ANGPT1: variants seen among roughly 807,000 people sequenced by gnomAD.
The protein encoded by ANGPT1 is angiopoietin-1.
Under a neutral mutation model 62.2 loss-of-function variants are expected in ANGPT1, and 17 were observed. The ratio of observed to expected loss-of-function variants is 0.27; its 90% CI spans 0.19 to 0.41. ANGPT1 has a LOEUF of 0.41. ANGPT1 is among the 10% of genes least tolerant of loss of function. ANGPT1 has a pLI of 1.00. For missense variants in ANGPT1, 478 were observed against 594.9 expected (o/e 0.80, Z 2.04); for synonymous variants, 199 against 198.9 (o/e 1.00, Z 0.00).
In ANGPT1 at chr8:107,454,762, G is replaced by T. The variant is rs547191775; in HGVS notation, c.297+42500C>A. Among the ~76,000 whole-genome samples the T allele has an allele frequency of 1.9e-4, 29 of 152,112 alleles. No individual in the cohort carries two copies. In the South Asian group the frequency reaches 6.0e-3, roughly 32 times the overall value. On this transcript the variant is annotated intron_variant, in intron 1 of 8. Coordinates refer to ENST00000517746, the MANE Select transcript of ANGPT1 (RefSeq NM_001146.5). ...TTTGTTTCTGGCTCTTCAACTCACAGTAGTATTTATTTCCCTGTCCTTTAA... is the reference window on the plus strand; with the variant it reads ...TTTGTTTCTGGCTCTTCAACTCACATTAGTATTTATTTCCCTGTCCTTTAA...
chr8:107,453,257 C>T (rs1811824500), intron 1 of ANGPT1, among the ~76,000 whole-genome samples: 1 of 152,050 alleles, frequency 6.6e-6, no homozygotes, highest in African/African-American at 2.4e-5. Context: ...AAAGAATATT[C>T]ATTTACAAAG....
intron 1 of ANGPT1, among the ~76,000 whole-genome samples, chr8:107,491,613 C>T (rs1812958940): frequency 6.6e-6 from 1 of 151,972 alleles, no homozygotes. Context: ...TTGTAAAGTC[C>T]CTGAGGCAGG....
intron 1 of ANGPT1, among the ~76,000 whole-genome samples, chr8:107,462,448 G>C (rs1050188483): frequency 6.6e-6 from 1 of 151,608 alleles, no homozygotes; most frequent in African/African-American, 2.4e-5. Context: ...TTCAAAAAGG[G>C]AGTTTTTAGA....
intron 1 of ANGPT1, among the ~76,000 whole-genome samples, chr8:107,474,690 G>T (rs1219425224): frequency 6.6e-6 from 1 of 152,168 alleles, no homozygotes. Flanking sequence ...AAACCCCATT[G>T]TCTCAGCCCA....
chr8:107,391,088 AAG>A lies in ANGPT1; in HGVS notation c.298-43993_298-43992del, dbSNP rs1284731031. On this transcript the variant is annotated intron_variant, in intron 1 of 8. Transcript: ENST00000517746. ...TTACTAGGTACTATTGCAATGAAAAAAGTTTTAATTTAAAAATTAATTACTAC... is the reference window on the plus strand; with the variant it reads ...TTACTAGGTACTATTGCAATGAAAAATTTTAATTTAAAAATTAATTACTAC... 2.0e-5 allele frequency among the ~76,000 whole-genome samples: 3 copies of A among 152,194 alleles called. No individual in the cohort carries two copies. The East Asian group carries it at 5.8e-4, about 29-fold the overall frequency.
intron 1 of ANGPT1, among the ~76,000 whole-genome samples, chr8:107,394,413 C>T (rs928989915): frequency 1.3e-5 from 2 of 152,130 alleles, no homozygotes; most frequent in Non-Finnish European, 2.9e-5. Flanking sequence ...AGTCTCAGTT[C>T]CAGACAGAAG....
chr8:107,430,118 GAATTTTTAACT>G (rs1460806977), intron 1 of ANGPT1, among the ~76,000 whole-genome samples: 2 of 152,050 alleles, frequency 1.3e-5, no homozygotes, highest in African/African-American at 2.4e-5. Flanking sequence ...TTTTTTATTA[GAATTTTTAACT>G]AATTAGTATA....
intron 2 of ANGPT1, among the ~76,000 whole-genome samples, chr8:107,345,894 T>G (rs1455994980): frequency 2.0e-5 from 3 of 152,216 alleles, no homozygotes; most frequent in African/African-American, 7.2e-5. Context: ...AATTAGTTAA[T>G]TATTAGTGTT....
intron 8 of ANGPT1, among the ~76,000 whole-genome samples, chr8:107,261,954 G>C (rs1412719826): frequency 1.3e-5 from 2 of 152,072 alleles, no homozygotes; most frequent in Non-Finnish European, 2.9e-5. Context: ...CAGCACTTTG[G>C]GAGGCTGAGG....
At chr8:107,436,631 A>T (rs940641441) in intron 1 of ANGPT1, among the ~76,000 whole-genome samples, 6 of 152,148 alleles carry the variant, frequency 3.9e-5, no homozygotes, top group Non-Finnish European at 4.4e-5. Context: ...TCGTCTGCAG[A>T]TGTACTTCTC....
At chr8:107,278,092 TA>T (rs1000955546) in intron 7 of ANGPT1, among the ~76,000 whole-genome samples, 20 of 151,306 alleles carry the variant, frequency 1.3e-4, no homozygotes, top group Admixed American at 4.6e-4. Context: ...TTTTTTTTTT[TA>T]AAGACAGGGT....
At chr8:107,452,337 C>A (rs1341412204) in intron 1 of ANGPT1, among the ~76,000 whole-genome samples, 1 of 151,580 alleles carries the variant, frequency 6.6e-6, no homozygotes, top group Non-Finnish European at 1.5e-5. Context: ...AGCCAAAAAG[C>A]CAAAAAGCTG....
intron 4 of ANGPT1, 43 bp from the exon 5 acceptor site, chr8:107,303,410 A>G (rs1814641855): frequency 6.5e-7 from 1 of 1,534,930 alleles, no homozygotes; most frequent in African/African-American, 1.4e-5. Context: ...GAATATCAGT[A>G]CCATTAGTAG....
chr8:107,419,972 T>A (rs1277995423), intron 1 of ANGPT1, among the ~76,000 whole-genome samples: 1 of 152,320 alleles, frequency 6.6e-6, no homozygotes, highest in South Asian at 2.1e-4. Context: ...TTAGTTAATA[T>A]GTGCCCATTT....
chr8:107,292,167 C>T (rs1586193759), intron 6 of ANGPT1, among the ~76,000 whole-genome samples: 1 of 152,260 alleles, frequency 6.6e-6, no homozygotes, highest in Non-Finnish European at 1.5e-5. Context: ...TATCACCTAC[C>T]TCCATCCAGT....
At chr8:107,252,593 C>A (rs1383919754) in intron 8 of ANGPT1, among the ~76,000 whole-genome samples, 1 of 152,102 alleles carries the variant, frequency 6.6e-6, no homozygotes, top group Non-Finnish European at 1.5e-5. Context: ...AATTAACGTA[C>A]CCTCTCTGTA....
intron 5 of ANGPT1, 124 bp from the exon 6 acceptor site, chr8:107,294,161 T>C: frequency 3.4e-6 from 2 of 590,346 alleles, no homozygotes; most frequent in Middle Eastern, 2.7e-4. Flanking sequence ...AATTACTATA[T>C]TGAACAATGT....
At chr8:107,416,217 C>A (rs989322021) in intron 1 of ANGPT1, among the ~76,000 whole-genome samples, 5 of 152,148 alleles carry the variant, frequency 3.3e-5, no homozygotes, top group Admixed American at 6.6e-5. Flanking sequence ...AGACACCAAT[C>A]GCAAGTTAGG....
chr8:107,383,584 G>T (rs1299608308), intron 1 of ANGPT1, among the ~76,000 whole-genome samples: 2 of 152,140 alleles, frequency 1.3e-5, no homozygotes, highest in Non-Finnish European at 2.9e-5. Flanking sequence ...TTACTTTAGA[G>T]GCAGGCACTT....
Sources: allele counts gnomAD v4.1 joint callset (sites outside exome capture counted in the v4.1 genomes callset), GRCh38; gene constraint gnomAD v4.1.1; transcripts MANE v1.5; gene names NCBI Gene and HGNC (gene_info 2026-07-23, HGNC 2026-07-21).